The following HOXC4 variants were observed in gnomAD, a reference collection of about 807,000 sequenced individuals.
HOXC4 encodes the protein homeobox C4, also known as homeobox protein Hox-C4.
Under a neutral mutation model 25.5 loss-of-function variants are expected in HOXC4, and 15 were observed. The ratio of observed to expected loss-of-function variants is 0.59; its 90% CI spans 0.39 to 0.91. The LOEUF (loss-of-function observed/expected upper bound fraction) is 0.91. Among genes scored for constraint, HOXC4 ranks in the 40% least tolerant of loss-of-function variants. HOXC4 has a pLI of 0.00. For synonymous variants in HOXC4, 165 were observed against 148.0 expected, an observed-to-expected ratio of 1.11 and a Z score of -0.83; for missense variants, 342 against 352.4, an observed-to-expected ratio of 0.97 and a Z score of 0.24.
intron 1 of HOXC4, among the ~76,000 whole-genome samples, chr12:54,045,242 G>T (rs1340267368): frequency 6.6e-6 from 1 of 152,224 alleles, no homozygotes; most frequent in Non-Finnish European, 1.5e-5. Context: ...ATCGTTCTAT[G>T]TCTATATCAG....
intron 1 of HOXC4, among the ~76,000 whole-genome samples, chr12:54,041,503 G>A (rs1006204432): frequency 2.6e-5 from 4 of 152,182 alleles, no homozygotes; most frequent in East Asian, 3.9e-4. Context: ...AGGATAGTCC[G>A]GACTGAGCTG....
At chr12:54,052,159 GA>G (rs376061682), upstream of HOXC4, among the ~76,000 whole-genome samples, 3,139 of 151,864 alleles carry the variant, frequency 0.021, 37 homozygotes, top group African/African-American at 0.026. Context: ...AAATCAGAGG[GA>G]AAAAAAATCA....
chr12:54,033,129 T>C (rs550186472), intron 1 of HOXC4: 1 of 1,602,738 alleles, frequency 6.2e-7, no homozygotes, highest in East Asian at 2.2e-5. Context: ...CGCCATGAGC[T>C]CCTACGTAGC....
upstream of HOXC4, among the ~76,000 whole-genome samples, chr12:54,050,751 G>A (rs1032543842): frequency 1.3e-5 from 2 of 152,198 alleles, no homozygotes; most frequent in African/African-American, 2.4e-5. Flanking sequence ...ATGTAGATGA[G>A]TGTGGGCACA....
intron 1 of HOXC4, among the ~76,000 whole-genome samples, chr12:54,030,978 C>T (rs960639822): frequency 6.6e-6 from 1 of 152,242 alleles, no homozygotes; most frequent in African/African-American, 2.4e-5. Context: ...GCCTTCTGTT[C>T]GTTCTCGCGA....
intron 1 of HOXC4, chr12:54,030,165 T>C: frequency 1.9e-6 from 1 of 523,278 alleles, no homozygotes; most frequent in Non-Finnish European, 3.4e-6. Flanking sequence ...ACGCGCCTCC[T>C]CCTCCTCGCT....
chr12:54,031,069 A>C (rs908228788), intron 1 of HOXC4, among the ~76,000 whole-genome samples: 2 of 152,204 alleles, frequency 1.3e-5, no homozygotes, highest in African/African-American at 4.8e-5. Flanking sequence ...GCCGCGTAGG[A>C]TTTTGTTGCG....
chr12:54,029,705 T>C (rs1286157483), intron 1 of HOXC4: 9 of 1,614,170 alleles, frequency 5.6e-6, no homozygotes, highest in Non-Finnish European at 7.6e-6. Flanking sequence ...CTACTCGCGG[T>C]ACCAGACCCT....
chr12:54,022,135 CT>C (rs1940476293), intron 1 of HOXC4: 1 of 152,218 alleles, frequency 6.6e-6, no homozygotes, highest in Non-Finnish European at 1.5e-5. Context: ...GGGGGCCACA[CT>C]CATTGAGAAA....
intron 1 of HOXC4, chr12:54,034,041 C>T (rs1350165839): frequency 2.9e-6 from 2 of 697,178 alleles, no homozygotes; most frequent in South Asian, 1.5e-5. Flanking sequence ...TCCCCCCAAC[C>T]CCCCCTCAGC....
At chr12:54,030,987 G>A (rs796735772) in intron 1 of HOXC4, among the ~76,000 whole-genome samples, 27 of 152,318 alleles carry the variant, frequency 1.8e-4, no homozygotes, top group Middle Eastern at 3.4e-3. Context: ...TCGTTCTCGC[G>A]ATCGCACTGA....
At chr12:54,041,977 CTTTTTTT>C (rs796328359) in intron 1 of HOXC4, among the ~76,000 whole-genome samples, 2 of 116,710 alleles carry the variant, frequency 1.7e-5, no homozygotes, top group East Asian at 2.5e-4. Context: ...CTTTTCTTTT[CTTTTTTT>C]TTTTTTTTTT....
intron 1 of HOXC4, among the ~76,000 whole-genome samples, chr12:54,039,705 G>GTA (rs1278270567): frequency 6.6e-6 from 1 of 152,064 alleles, no homozygotes; most frequent in Admixed American, 6.6e-5. Flanking sequence ...AGACATGGGA[G>GTA]TTTCTCTTGG....
At chr12:54,029,982 C>T (rs1444203486) in intron 1 of HOXC4, 2 of 1,505,262 alleles carry the variant, frequency 1.3e-6, no homozygotes, top group Admixed American at 4.8e-5. Context: ...TCCCTGCCAC[C>T]CCTCTCTCCC....
chr12:54,034,520 G>T (rs1356345090), intron 1 of HOXC4: 3 of 1,581,604 alleles, frequency 1.9e-6, no homozygotes, highest in African/African-American at 1.3e-5. Context: ...CGCAGAGCGC[G>T]CCCCTAGCCG....
chr12:54,027,267 G>A (rs1940760817), intron 1 of HOXC4, among the ~76,000 whole-genome samples: 1 of 152,184 alleles, frequency 6.6e-6, no homozygotes, highest in Non-Finnish European at 1.5e-5. Context: ...TGGCACTTGG[G>A]TGAGAGCTCC....
chr12:54,055,381 A>C lies in HOXC4; in HGVS notation c.*176A>C. On this transcript the variant is annotated 3_prime_UTR_variant, in exon 2 of 2. Coordinates refer to ENST00000430889, the MANE Select transcript of HOXC4 (RefSeq NM_153633.3). ...AAACAGACAAAACAGATAAACAAAC[A>C]AGCCCCCTGCCCTCCTCTCCCTCCC... 5.8e-5 allele frequency: 12 copies of C among 205,594 alleles called. No individual in the cohort carries two copies. Among genetic ancestry groups the C allele is most frequent in the South Asian group, 1.9e-4 (1 of 5,224 alleles). The allele number at this position is 205,594 out of a possible 1,614,324, so 12.7% of individuals were successfully genotyped here.
rs1428077253 is a variant in HOXC4, at chr12:54,018,972, T to C, written c.-124+1558T>C. Among the ~76,000 whole-genome samples, 6 of 152,236 alleles carry C rather than the reference T, an allele frequency of 3.9e-5. No individual in the cohort carries two copies. The East Asian group carries it at 1.2e-3, about 29-fold the overall frequency. On this transcript the variant is annotated intron_variant, in intron 1 of 3. Coordinates refer to the HOXC4 transcript ENST00000303406. ...GGGGGCGGGGATGGGGGAAGAAACC[T>C]GTTTTTATCAAATTTTTAAAAATAC... is the stretch of plus-strand genomic sequence containing the variant.
intron 1 of HOXC4, chr12:54,047,887 C>G (rs1465598578): frequency 6.6e-6 from 1 of 152,230 alleles, no homozygotes; most frequent in African/African-American, 2.4e-5. Flanking sequence ...GGCCGCTCCC[C>G]AGATCCCACT....
Sources: allele counts gnomAD v4.1 joint callset (sites outside exome capture counted in the v4.1 genomes callset), GRCh38; gene constraint gnomAD v4.1.1; transcripts MANE v1.5; gene names NCBI Gene and HGNC (gene_info 2026-07-23, HGNC 2026-07-21).